Variants in IQGAP3 observed in about 807,000 individuals in gnomAD.
IQGAP3 encodes ras GTPase-activating-like protein IQGAP3.
Under a neutral mutation model 208.2 loss-of-function variants are expected in IQGAP3, and 165 were observed. The observed-to-expected ratio is 0.79, with a 90% CI of 0.70 to 0.90. The LOEUF (loss-of-function observed/expected upper bound fraction) is 0.90, where lower values mean the gene tolerates loss of function less well. IQGAP3 is among the 40% of genes least tolerant of loss of function. The pLI is 0.00. For synonymous variants in IQGAP3, 703 were observed against 803.6 expected (o/e 0.87, Z 2.12); for missense variants, 1,811 against 2,043.1 (o/e 0.89, Z 2.19).
At chr1:156,567,768 G>A (rs188837221) in intron 2 of IQGAP3, among the ~76,000 whole-genome samples, 85 of 152,280 alleles carry the variant, frequency 5.6e-4, no homozygotes, top group Admixed American at 1.9e-3. Context: ...AATTAAGTAC[G>A]TATCCTGCTT....
Position 156,528,556 on chromosome 1 carries a change from G to C in IQGAP3, c.4626C>G (p.Leu1542=), listed in dbSNP as rs1420608788. 1.2e-6 allele frequency: 2 copies of C among 1,613,994 alleles called. No homozygotes were observed. Among genetic ancestry groups the C allele is most frequent in the Non-Finnish European group, 1.7e-6 (2 of 1,179,968 alleles). ...QPSLHYTAAQ[L]LEKGVLVEIE... ...TTTCCACCAAGACACCCTTTTCCAG[G>C]AGCTGAGCAGCAGTGTAATGAAGAG... is the stretch of plus-strand genomic sequence containing the variant. The change falls in exon 36 of 38, where the codon CTC becomes CTG. Residue 1542 remains leucine (L), a synonymous_variant. Coordinates refer to ENST00000361170, the MANE Select transcript of IQGAP3 (RefSeq NM_178229.5).
intron 19 of IQGAP3, 62 bp from the exon 20 acceptor site, chr1:156,544,534 TAAGAAAA>T: frequency 7.1e-7 from 1 of 1,417,708 alleles, no homozygotes; most frequent in Non-Finnish European, 1.0e-6. Context: ...GAAAGGCTTT[TAAGAAAA>T]TCTTTGTCCT....
intron 13 of IQGAP3, among the ~76,000 whole-genome samples, chr1:156,552,522 T>C (rs74116881): frequency 0.023 from 3,436 of 152,300 alleles, 119 homozygotes; most frequent in African/African-American, 0.078. Context: ...GTCTCTCCCA[T>C]CTTGCCCCAA....
intron 11 of IQGAP3, among the ~76,000 whole-genome samples, chr1:156,558,372 G>T (rs1202994854): frequency 2.5e-5 from 1 of 39,820 alleles, no homozygotes; most frequent in Admixed American, 2.0e-4. Context: ...GGAGGGTGGT[G>T]GGGGGGTCAG....
intron 22 of IQGAP3, among the ~76,000 whole-genome samples, chr1:156,541,758 A>G (rs1674996360): frequency 6.6e-6 from 1 of 152,244 alleles, no homozygotes; most frequent in Admixed American, 6.5e-5. Flanking sequence ...AAGGCAGTCT[A>G]GTAGGGGAAC....
chr1:156,557,615 G>T (rs1451643885), intron 11 of IQGAP3, among the ~76,000 whole-genome samples: 2 of 61,358 alleles, frequency 3.3e-5, no homozygotes, highest in Non-Finnish European at 7.6e-5. Flanking sequence ...GGGAGGTGGG[G>T]GGGTCAGCCC....
intron 15 of IQGAP3, 22 bp downstream of exon 15, chr1:156,551,683 A>G (rs1315150486): frequency 6.3e-7 from 1 of 1,596,608 alleles, no homozygotes; most frequent in East Asian, 2.2e-5. Flanking sequence ...CTGATGACCA[A>G]CCCAACCAGC....
intron 9 of IQGAP3, 48 bp downstream of exon 9, chr1:156,562,539 G>T: frequency 6.8e-7 from 1 of 1,472,290 alleles, no homozygotes; most frequent in Non-Finnish European, 9.5e-7. Context: ...CAGTGCAGGG[G>T]CTTACCCTGA....
Position 156,563,196 on chromosome 1 carries a change from C to A in IQGAP3, c.736G>T (p.Ala246Ser). 1.2e-6 allele frequency: 2 copies of A among 1,612,972 alleles called. No individual in the cohort carries two copies. The highest frequency in any genetic ancestry group is 1.7e-6 in the Non-Finnish European group (2 of 1,179,088). Reference sequence around the variant, plus strand: ...TGGGCCAGCATCTCTTGGTAGACGGCTGCCAGAGGCTCTCGGAGATTCTCC... The same window carrying A: ...TGGGCCAGCATCTCTTGGTAGACGGATGCCAGAGGCTCTCGGAGATTCTCC... ...LLENLREPLA[A>S]VYQEMLAQAK... Residue 246 changes from alanine (A) to serine (S), a missense_variant, in exon 8 of 38, where the codon GCC (alanine) becomes TCC (serine). Coordinates refer to ENST00000361170, the MANE Select transcript of IQGAP3 (RefSeq NM_178229.5).
chr1:156,562,784 G>T, intron 8 of IQGAP3, 119 bp from the exon 9 acceptor site: 2 of 912,530 alleles, frequency 2.2e-6, no homozygotes, highest in Non-Finnish European at 3.6e-6. Flanking sequence ...CCAAAGTTCA[G>T]TCTGCTCAGA....
At chr1:156,555,777 G>T (rs1675796737) in intron 12 of IQGAP3, among the ~76,000 whole-genome samples, 1 of 152,206 alleles carries the variant, frequency 6.6e-6, no homozygotes. Flanking sequence ...AGCAGAGCCA[G>T]ATTTGAACTC....
At chr1:156,566,184 G>C (rs1016381813) in intron 3 of IQGAP3, 80 bp from the exon 4 acceptor site, 11 of 1,377,770 alleles carry the variant, frequency 8.0e-6, no homozygotes, top group Admixed American at 6.8e-5. Flanking sequence ...ACAGCTTAAA[G>C]ATTCAGGAGA....
At position 156,532,991 on chromosome 1, in the gene IQGAP3, G is replaced by A; in HGVS notation, c.4092C>T (p.Ser1364=). The A allele has an allele frequency of 2.5e-6, 4 of 1,614,014 alleles. No homozygotes were observed. Among genetic ancestry groups the A allele is most frequent in the Non-Finnish European group, 3.4e-6 (4 of 1,179,962 alleles). ...EADADDSNTR[S]LLLSTKQLLA... ...CTGGCATCACCCACCTCAGAAGCAG[G>A]CTACGGGTGTTGGAGTCATCAGCAT... The change falls in exon 32 of 38, where the codon AGC becomes AGT. Residue 1364 remains serine, a synonymous_variant. Transcript: ENST00000361170.
intron 23 of IQGAP3, 29 bp downstream of exon 23, chr1:156,540,679 G>C (rs376093584): frequency 2.3e-5 from 36 of 1,582,356 alleles, no homozygotes; most frequent in Non-Finnish European, 3.0e-5. Flanking sequence ...GGCAGATCTC[G>C]GGGAGGGGAG....
At chr1:156,549,834 ACT>A (rs1675461210) in intron 16 of IQGAP3, among the ~76,000 whole-genome samples, 1 of 152,132 alleles carries the variant, frequency 6.6e-6, no homozygotes, top group South Asian at 2.1e-4. Context: ...GTCTATTTGC[ACT>A]GAGTCTGCCT....
chr1:156,553,820 A>G (rs1461055263), intron 13 of IQGAP3, among the ~76,000 whole-genome samples: 5 of 152,104 alleles, frequency 3.3e-5, no homozygotes, highest in African/African-American at 1.2e-4. Flanking sequence ...ACGTCAAGTG[A>G]TCCTCCCGCC....
chr1:156,552,111 A>G lies in IQGAP3; in HGVS notation c.1449-16T>C. ...ATCGAAGTAACTGGCAGTGGGGTGA[A>G]GGGCAGAGAGGTGAGTAGCATGTGA... On this transcript the variant is annotated splice_polypyrimidine_tract_variant and intron_variant, in intron 13 of 37. Coordinates refer to ENST00000361170, the MANE Select transcript of IQGAP3 (RefSeq NM_178229.5). The G allele has an allele frequency of 6.2e-7, 1 of 1,612,334 alleles. No homozygotes were observed. Among genetic ancestry groups the G allele is most frequent in the Non-Finnish European group, 8.5e-7 (1 of 1,179,192 alleles).
chr1:156,526,393 T>C lies in IQGAP3; in HGVS notation c.*93A>G. The C allele has an allele frequency of 1.2e-6, 1 of 849,442 alleles. No individual in the cohort carries two copies. 52.6% of individuals were successfully genotyped at this position (849,442 alleles called of 1,614,324 possible). A position where few individuals can be genotyped will look rare whatever the true frequency, so the allele number is the denominator to read the frequency against. ...CCCTGGGCCTTGCCCAGTCCTGAGC[T>C]CTAGGTGTCTGCAGGGAAGCACAGT... On this transcript the variant is annotated 3_prime_UTR_variant, in exon 38 of 38. Coordinates refer to ENST00000361170, the MANE Select transcript of IQGAP3 (RefSeq NM_178229.5).
chr1:156,567,095 G>A (rs1038717482), intron 2 of IQGAP3, among the ~76,000 whole-genome samples: 4 of 152,104 alleles, frequency 2.6e-5, no homozygotes, highest in Admixed American at 2.0e-4. Context: ...TCAAACTCCC[G>A]ACCTCAGGTG....
Sources: gnomAD v4.1 joint callset for allele counts (sites outside exome capture counted in the v4.1 genomes callset) on GRCh38, gnomAD v4.1.1 for gene constraint, MANE v1.5 for transcripts, NCBI Gene and HGNC (gene_info 2026-07-23, HGNC 2026-07-21) for gene names.